FAM193A: variants seen among roughly 807,000 people sequenced by gnomAD.
FAM193A encodes protein FAM193A.
A neutral mutation model predicts 126.5 loss-of-function variants in FAM193A; 22 were observed. The observed-to-expected ratio is 0.17, with a 90% CI of 0.12 to 0.25. The LOEUF is 0.25. FAM193A is among the 10% of genes least tolerant of loss of function. The pLI is 1.00. For missense variants in FAM193A, 1,675 were observed against 1,672.8 expected (o/e 1.00, Z -0.02); for synonymous variants, 761 against 646.8 (o/e 1.18, Z -2.68).
intron 1 of FAM193A, among the ~76,000 whole-genome samples, chr4:2,559,533 C>A (rs962360393): frequency 2.6e-5 from 4 of 152,304 alleles, no homozygotes; most frequent in Non-Finnish European, 5.9e-5. Context: ...TGGGCTCAAG[C>A]AATCCTCCCA....
At chr4:2,576,349 C>T (rs1201337827) in intron 1 of FAM193A, among the ~76,000 whole-genome samples, 2 of 152,174 alleles carry the variant, frequency 1.3e-5, no homozygotes, top group Admixed American at 6.5e-5. Context: ...CCGCCTGCCT[C>T]GGCCTCCCAG....
Position 2,662,776 on chromosome 4 carries a change from T to G in FAM193A, c.1746-62T>G, listed in dbSNP as rs1712616062. 6.0e-6 allele frequency: 8 copies of G among 1,322,662 alleles called. No homozygotes were observed. The Admixed American group carries it at 7.1e-5, about 12-fold the overall frequency. 81.9% of individuals were successfully genotyped at this position (1,322,662 alleles called of 1,614,324 possible). On this transcript the variant is annotated intron_variant, in intron 10 of 20. Transcript: ENST00000637812. ...CCAGGAAATATCTGTGCTTAGTGGC[T>G]GGTTTACTCATTGTCTTTCACAATT...
At chr4:2,589,290 CT>C (rs1740395630) in intron 1 of FAM193A, among the ~76,000 whole-genome samples, 1 of 152,212 alleles carries the variant, frequency 6.6e-6, no homozygotes, top group Non-Finnish European at 1.5e-5. Flanking sequence ...TTATTTACAT[CT>C]GTAGAACCAC....
chr4:2,624,061 G>A (rs1742726916), intron 2 of FAM193A, among the ~76,000 whole-genome samples: 1 of 152,146 alleles, frequency 6.6e-6, no homozygotes, highest in Non-Finnish European at 1.5e-5. Flanking sequence ...GAGCCTTGGT[G>A]CCGATGGAAG....
At chr4:2,584,910 C>G (rs1740149376) in intron 1 of FAM193A, among the ~76,000 whole-genome samples, 1 of 151,398 alleles carries the variant, frequency 6.6e-6, no homozygotes, top group African/African-American at 2.4e-5. Context: ...GGCGACAGAG[C>G]AAGACTCTGT....
chr4:2,541,593 G>T (rs993149346), intron 1 of FAM193A, among the ~76,000 whole-genome samples: 2 of 151,422 alleles, frequency 1.3e-5, no homozygotes, highest in East Asian at 2.0e-4. Context: ...CTACAGGCGC[G>T]TGCCACCACG....
chr4:2,719,025 A>G (rs1343696097), intron 20 of FAM193A, among the ~76,000 whole-genome samples: 1 of 152,232 alleles, frequency 6.6e-6, no homozygotes, highest in Non-Finnish European at 1.5e-5. Context: ...AGCAAACTCT[A>G]CCAGTGAATT....
chr4:2,626,291 C>T, intron 3 of FAM193A, 119 bp from the exon 4 acceptor site: 1 of 625,074 alleles, frequency 1.6e-6, no homozygotes, highest in Non-Finnish European at 2.9e-6. Flanking sequence ...AGCCTGATTG[C>T]CGGCTCCTGG....
At chr4:2,579,184 A>T (rs976559415) in intron 1 of FAM193A, among the ~76,000 whole-genome samples, 9 of 151,464 alleles carry the variant, frequency 5.9e-5, no homozygotes, top group African/African-American at 2.2e-4. Context: ...TTTTAAATTA[A>T]TCCAGAGCGT....
intron 1 of FAM193A, among the ~76,000 whole-genome samples, chr4:2,579,487 C>T (rs1423774662): frequency 6.6e-6 from 1 of 152,086 alleles, no homozygotes; most frequent in African/African-American, 2.4e-5. Context: ...CACTTAAACC[C>T]AGGCGTTGGA....
At chr4:2,691,074 A>C in intron 15 of FAM193A, 104 bp downstream of exon 15, 4 of 1,075,440 alleles carry the variant, frequency 3.7e-6, no homozygotes. Flanking sequence ...TACTTGGCCT[A>C]GCCAGAGGCG....
intron 1 of FAM193A, among the ~76,000 whole-genome samples, chr4:2,585,303 A>G (rs774945897): frequency 1.3e-5 from 2 of 152,172 alleles, no homozygotes; most frequent in East Asian, 1.9e-4. Context: ...TGTAATGCCT[A>G]TTTCCCAAAG....
intron 1 of FAM193A, among the ~76,000 whole-genome samples, chr4:2,586,431 T>TG (rs1418589239): frequency 6.6e-6 from 1 of 152,110 alleles, no homozygotes; most frequent in Non-Finnish European, 1.5e-5. Flanking sequence ...GGGCCCAGTT[T>TG]TTTTTTCCCC....
intron 7 of FAM193A, among the ~76,000 whole-genome samples, chr4:2,652,793 G>A (rs1049769282): frequency 6.6e-6 from 1 of 152,220 alleles, no homozygotes; most frequent in Non-Finnish European, 1.5e-5. Flanking sequence ...TTCTGAGGTT[G>A]TGAATAACTT....
chr4:2,696,160 T>C, intron 17 of FAM193A: 1 of 511,212 alleles, frequency 2.0e-6, no homozygotes, highest in Middle Eastern at 5.2e-4. Flanking sequence ...TATGTAAAAT[T>C]TGAGAGTAGG....
intron 1 of FAM193A, among the ~76,000 whole-genome samples, chr4:2,581,379 G>C (rs373678067): frequency 6.9e-6 from 1 of 145,754 alleles, no homozygotes; most frequent in Non-Finnish European, 1.5e-5. Flanking sequence ...TCAGCCTCCC[G>C]AGTAGCTGGG....
At chr4:2,679,166 G>A (rs529458513) in intron 13 of FAM193A, among the ~76,000 whole-genome samples, 10 of 152,174 alleles carry the variant, frequency 6.6e-5, no homozygotes, top group African/African-American at 2.4e-4. Flanking sequence ...CACCAGTTGT[G>A]ATGATCTTTG....
At chr4:2,620,836 C>CAAAAAAAAAAAAAAAAAAAAAAAAAAAAA (rs34305537) in intron 2 of FAM193A, among the ~76,000 whole-genome samples, 3 of 69,094 alleles carry the variant, frequency 4.3e-5, no homozygotes, top group Non-Finnish European at 8.2e-5. Context: ...AACTCCGTCT[C>CAAAAAAAAAAAAAAAAAAAAAAAAAAAAA]AAAAAAAAAA....
intron 10 of FAM193A, among the ~76,000 whole-genome samples, chr4:2,660,616 T>G (rs1021176470): frequency 6.6e-6 from 1 of 152,226 alleles, no homozygotes; most frequent in Non-Finnish European, 1.5e-5. Context: ...CACTTGATCA[T>G]ATGTAGTTGC....
Sources: allele counts gnomAD v4.1 joint callset (sites outside exome capture counted in the v4.1 genomes callset), GRCh38; gene constraint gnomAD v4.1.1; transcripts MANE v1.5; gene names NCBI Gene and HGNC (gene_info 2026-07-23, HGNC 2026-07-21).